PRPF18: variants seen among roughly 807,000 people sequenced by gnomAD.
The protein encoded by PRPF18 is pre-mRNA-splicing factor 18.
A neutral mutation model predicts 46.5 loss-of-function variants in PRPF18; 38 were observed. The ratio of observed to expected loss-of-function variants is 0.82; its 90% CI spans 0.63 to 1.07. The LOEUF (loss-of-function observed/expected upper bound fraction) is 1.07, where lower values mean the gene tolerates loss of function less well. Ranked by LOEUF, PRPF18 falls within the 50% of genes least tolerant of loss-of-function variation. The pLI is 0.00. For synonymous variants in PRPF18, 152 were observed against 146.7 expected (o/e 1.04, Z -0.26); for missense variants, 263 against 410.0 (o/e 0.64, Z 3.10).
chr10:13,606,751 A>C (rs867487073), intron 4 of PRPF18, among the ~76,000 whole-genome samples: 2,070 of 151,392 alleles, frequency 0.014, 67 homozygotes, highest in African/African-American at 0.048. Flanking sequence ...AAAAAAAAAA[A>C]AAAAAAACAG....
intron 4 of PRPF18, among the ~76,000 whole-genome samples, chr10:13,608,268 G>A (rs1311110898): frequency 1.3e-5 from 2 of 152,196 alleles, no homozygotes; most frequent in Non-Finnish European, 1.5e-5. Context: ...GGCTGCGGCC[G>A]AAATCATGTG....
chr10:13,595,959 A>G (rs2133246264), intron 1 of PRPF18, among the ~76,000 whole-genome samples: 1 of 152,322 alleles, frequency 6.6e-6, no homozygotes, highest in East Asian at 1.9e-4. Context: ...ATCACACCCA[A>G]CAAAATTAAA....
intron 3 of PRPF18, among the ~76,000 whole-genome samples, chr10:13,600,690 C>T (rs773086793): frequency 1.3e-5 from 2 of 149,544 alleles, no homozygotes; most frequent in African/African-American, 2.5e-5. Flanking sequence ...TTTAATAATA[C>T]GTCTTTCCAG....
At chr10:13,652,096 C>T in the PRPF18 span, 1 of 715,718 alleles carries the variant, frequency 1.4e-6, no homozygotes, top group Non-Finnish European at 2.6e-6. Flanking sequence ...GATTAGACAC[C>T]TGAGTTAGCA....
the PRPF18 span, chr10:13,639,729 C>T: frequency 6.6e-6 from 1 of 152,164 alleles, no homozygotes; most frequent in Non-Finnish European, 1.5e-5. Context: ...GGTTGTGAGG[C>T]TGTTGTCTCA....
chr10:13,614,549 T>C (rs2133777158), intron 8 of PRPF18, among the ~76,000 whole-genome samples: 1 of 152,308 alleles, frequency 6.6e-6, no homozygotes, highest in South Asian at 2.1e-4. Context: ...CTCTTTGTAA[T>C]TGTTTCTATG....
rs543518122 is a variant in PRPF18 at position 13,597,391 on chromosome 10, T to C, written c.67-67T>C. 1.1e-4 allele frequency: 119 copies of C among 1,068,876 alleles called. No homozygotes were observed. In the African/African-American group the frequency reaches 1.7e-3, roughly 15 times the overall value. 66.2% of individuals were successfully genotyped at this position (1,068,876 alleles called of 1,614,324 possible). A position where few individuals can be genotyped will look rare whatever the true frequency, so the allele number is the denominator to read the frequency against. ...GTTTCCAAAGTTTTCTAAAGGTATT[T>C]GTTGACTATGGGACATGAAATTTTG... On this transcript the variant is annotated intron_variant, in intron 1 of 9. Coordinates refer to ENST00000378572, the MANE Select transcript of PRPF18 (RefSeq NM_003675.4).
the PRPF18 span, chr10:13,647,732 C>CTTTTTT: frequency 7.2e-6 from 1 of 138,894 alleles, no homozygotes; most frequent in Non-Finnish European, 1.5e-5. Flanking sequence ...AAATAAAAGG[C>CTTTTTT]TTTTTTTTTT....
At chr10:13,652,287 G>A in the PRPF18 span, 3 of 401,810 alleles carry the variant, frequency 7.5e-6, no homozygotes, top group South Asian at 5.5e-5. Context: ...CTCACTAGTT[G>A]TAGGTGGTGA....
intron 9 of PRPF18, among the ~76,000 whole-genome samples, chr10:13,618,561 G>C (rs748901616): frequency 5.0e-4 from 71 of 142,924 alleles, no homozygotes; most frequent in Admixed American, 8.8e-4. Context: ...GGGAGTTCAA[G>C]GTTGCAGTGA....
intron 9 of PRPF18, among the ~76,000 whole-genome samples, chr10:13,622,729 C>T (rs2080437780): frequency 6.6e-6 from 1 of 152,122 alleles, no homozygotes; most frequent in South Asian, 2.1e-4. Context: ...TTTGATAAGT[C>T]CTCCAGATAC....
chr10:13,620,636 G>A (rs1217179471), intron 9 of PRPF18, among the ~76,000 whole-genome samples: 2 of 152,078 alleles, frequency 1.3e-5, no homozygotes, highest in African/African-American at 4.8e-5. Flanking sequence ...TACCATTATT[G>A]GTTAGTTTTG....
chr10:13,615,833 C>T (rs1245832018), intron 8 of PRPF18, among the ~76,000 whole-genome samples: 1 of 152,124 alleles, frequency 6.6e-6, no homozygotes, highest in African/African-American at 2.4e-5. Flanking sequence ...CGATCTCATC[C>T]TTCAGCTATT....
intron 9 of PRPF18, among the ~76,000 whole-genome samples, chr10:13,617,180 A>G (rs2080355589): frequency 6.6e-6 from 1 of 152,250 alleles, no homozygotes; most frequent in Non-Finnish European, 1.5e-5. Context: ...CATAAATCCC[A>G]GATTGTGTCT....
chr10:13,624,973 G>GA (rs2080478634), intron 9 of PRPF18, among the ~76,000 whole-genome samples: 1 of 151,894 alleles, frequency 6.6e-6, no homozygotes, highest in Admixed American at 6.5e-5. Context: ...AAAACACACA[G>GA]AAAAAAAGAC....
chr10:13,622,723 A>C (rs1355196400), intron 9 of PRPF18, among the ~76,000 whole-genome samples: 3 of 152,146 alleles, frequency 2.0e-5, no homozygotes, highest in Non-Finnish European at 4.4e-5. Context: ...TAGTTTTTTG[A>C]TAAGTCCTCC....
At chr10:13,599,859 A>G (rs2080081525) in intron 2 of PRPF18, among the ~76,000 whole-genome samples, 2 of 152,260 alleles carry the variant, frequency 1.3e-5, no homozygotes, top group Admixed American at 1.3e-4. Flanking sequence ...CAAGAATCAA[A>G]TAACCCTGCA....
At chr10:13,650,669 C>G in the PRPF18 span, among the ~76,000 whole-genome samples, 5 of 152,258 alleles carry the variant, frequency 3.3e-5, no homozygotes, top group African/African-American at 1.2e-4. Flanking sequence ...AGCCTAAGTC[C>G]CTGTCCTAAT....
At chr10:13,626,415 G>A (rs2080505548) in intron 9 of PRPF18, among the ~76,000 whole-genome samples, 1 of 152,116 alleles carries the variant, frequency 6.6e-6, no homozygotes, top group South Asian at 2.1e-4. Context: ...ACTTATGAGA[G>A]GTCATCATCA....
Sources: gnomAD v4.1 joint callset for allele counts (sites outside exome capture counted in the v4.1 genomes callset) on GRCh38, gnomAD v4.1.1 for gene constraint, MANE v1.5 for transcripts, NCBI Gene and HGNC (gene_info 2026-07-23, HGNC 2026-07-21) for gene names.